UST: variants seen among roughly 807,000 people sequenced by gnomAD.
The protein encoded by UST is uronyl 2-sulfotransferase.
UST carries 21 observed loss-of-function variants against 45.6 expected under a neutral mutation model. The observed-to-expected ratio is 0.46, with a 90% CI of 0.33 to 0.66. The LOEUF (loss-of-function observed/expected upper bound fraction) is 0.66. Ranked by LOEUF, UST falls within the 30% of genes least tolerant of loss-of-function variation. The probability of loss-of-function intolerance (pLI) is 0.02; values close to 1 mark genes in which losing one functional copy is unlikely to be tolerated. For missense variants in UST, 463 were observed against 512.4 expected, an observed-to-expected ratio of 0.90 and a Z score of 0.93; for synonymous variants, 215 against 200.6, an observed-to-expected ratio of 1.07 and a Z score of -0.61.
intron 2 of UST, among the ~76,000 whole-genome samples, chr6:148,938,062 C>A (rs1056259618): frequency 6.6e-6 from 1 of 152,106 alleles, no homozygotes; most frequent in Non-Finnish European, 1.5e-5. Context: ...CTGATTAAAC[C>A]ATAAGTAACA....
At chr6:148,950,210 T>A (rs1780338885) in intron 3 of UST, among the ~76,000 whole-genome samples, 1 of 152,216 alleles carries the variant, frequency 6.6e-6, no homozygotes, top group African/African-American at 2.4e-5. Flanking sequence ...GAGTTCCTTC[T>A]AATTCAGAAG....
chr6:149,059,811 C>T (rs1202348037), intron 7 of UST, among the ~76,000 whole-genome samples: 2 of 152,134 alleles, frequency 1.3e-5, no homozygotes, highest in East Asian at 3.9e-4. Context: ...ACCTAGAAGC[C>T]CCAGGCAATA....
At chr6:148,782,087 ATT>A (rs1776654044) in intron 1 of UST, among the ~76,000 whole-genome samples, 1 of 152,098 alleles carries the variant, frequency 6.6e-6, no homozygotes, top group Non-Finnish European at 1.5e-5. Flanking sequence ...TAAGAAATAC[ATT>A]TCTTTTTTTT....
At chr6:148,998,299 C>A (rs1781487282) in intron 5 of UST, among the ~76,000 whole-genome samples, 1 of 152,196 alleles carries the variant, frequency 6.6e-6, no homozygotes, top group Admixed American at 6.5e-5. Context: ...GTACTGCCTC[C>A]AGGAAGTACT....
intron 1 of UST, among the ~76,000 whole-genome samples, chr6:148,801,735 C>G (rs1777061025): frequency 6.6e-6 from 1 of 152,170 alleles, no homozygotes; most frequent in African/African-American, 2.4e-5. Context: ...TCTCCCCTTT[C>G]TTTTTGGCCC....
intron 5 of UST, among the ~76,000 whole-genome samples, chr6:149,013,163 A>C (rs913702513): frequency 2.0e-5 from 3 of 152,178 alleles, no homozygotes; most frequent in African/African-American, 7.2e-5. Flanking sequence ...TTAAATGATA[A>C]ATGCAGAGTA....
intron 2 of UST, among the ~76,000 whole-genome samples, chr6:148,919,886 C>T (rs9766787): frequency 0.032 from 4,911 of 152,250 alleles, 275 homozygotes; most frequent in African/African-American, 0.11. Context: ...GACAGGAAGA[C>T]ACAGGTTTAA....
intron 7 of UST, among the ~76,000 whole-genome samples, chr6:149,047,604 C>T (rs1287640215): frequency 6.6e-6 from 1 of 152,082 alleles, no homozygotes; most frequent in East Asian, 1.9e-4. Context: ...CAGTTCAAGC[C>T]CTTGTGAGAA....
intron 1 of UST, among the ~76,000 whole-genome samples, chr6:148,852,672 C>A (rs1382246978): frequency 6.6e-6 from 1 of 152,170 alleles, no homozygotes; most frequent in African/African-American, 2.4e-5. Flanking sequence ...TTCTCTCTTG[C>A]CAATCCCCAC....
Position 148,900,158 on chromosome 6 carries a change from A to T in UST, c.291+13129A>T, listed in dbSNP as rs1871921. Among the ~76,000 whole-genome samples the T allele has an allele frequency of 3.4e-4, 51 of 152,020 alleles. 1 individual carries two copies. Among genetic ancestry groups the T allele is most frequent in the Non-Finnish European group, 6.6e-4 (45 of 67,956 alleles). ...TCTTCAGTTGTGTAAATCTCCCTGG[A>T]GCCTTCACACACATTAGGTGTTGTG... On this transcript the variant is annotated intron_variant, in intron 2 of 7. Coordinates refer to ENST00000367463, the MANE Select transcript of UST (RefSeq NM_005715.3).
At chr6:148,911,040 G>A (rs1026128617) in intron 2 of UST, among the ~76,000 whole-genome samples, 4 of 152,128 alleles carry the variant, frequency 2.6e-5, no homozygotes, top group Admixed American at 6.5e-5. Flanking sequence ...TTGCTTCCAC[G>A]TCTGAATTGG....
At chr6:148,829,297 C>A (rs1291756700) in intron 1 of UST, among the ~76,000 whole-genome samples, 2 of 152,218 alleles carry the variant, frequency 1.3e-5, no homozygotes. Context: ...TCCGCTGTAA[C>A]CATGCATATG....
chr6:148,757,528 C>T (rs1392512296), intron 1 of UST, among the ~76,000 whole-genome samples: 7 of 152,188 alleles, frequency 4.6e-5, no homozygotes, highest in South Asian at 4.1e-4. Flanking sequence ...AACTGCAACA[C>T]GACCATACTG....
intron 1 of UST, among the ~76,000 whole-genome samples, chr6:148,750,805 CA>C (rs1178184772): frequency 6.6e-6 from 1 of 152,186 alleles, no homozygotes; most frequent in Non-Finnish European, 1.5e-5. Context: ...ATGTGGCCTC[CA>C]TTTATTTAGG....
chr6:148,907,332 C>T (rs184088179), intron 2 of UST, among the ~76,000 whole-genome samples: 1 of 152,236 alleles, frequency 6.6e-6, no homozygotes, highest in East Asian at 1.9e-4. Context: ...GAATTATATC[C>T]TACAAGGAAA....
At chr6:148,951,297 C>G (rs529714274) in intron 3 of UST, among the ~76,000 whole-genome samples, 2 of 152,298 alleles carry the variant, frequency 1.3e-5, no homozygotes, top group African/African-American at 4.8e-5. Flanking sequence ...ATGGATGAGG[C>G]TGGATAAAGA....
chr6:148,849,542 G>T (rs571062804), intron 1 of UST, among the ~76,000 whole-genome samples: 19 of 152,236 alleles, frequency 1.2e-4, no homozygotes, highest in African/African-American at 4.3e-4. Context: ...ACTTGAGACT[G>T]GGTAATTTTT....
intron 5 of UST, among the ~76,000 whole-genome samples, chr6:148,984,956 T>G (rs762523206): frequency 4.6e-5 from 7 of 152,208 alleles, no homozygotes; most frequent in Non-Finnish European, 8.8e-5. Flanking sequence ...AACAATTGTT[T>G]CATGAGTAAT....
chr6:148,754,429 C>G (rs1776057178), intron 1 of UST, among the ~76,000 whole-genome samples: 2 of 152,146 alleles, frequency 1.3e-5, no homozygotes, highest in South Asian at 4.1e-4. Flanking sequence ...ACACAGAACT[C>G]AATTTCTGGT....
Sources: allele counts gnomAD v4.1 joint callset (sites outside exome capture counted in the v4.1 genomes callset), GRCh38; gene constraint gnomAD v4.1.1; transcripts MANE v1.5; gene names NCBI Gene and HGNC (gene_info 2026-07-23, HGNC 2026-07-21).